Variants in ESCO1 observed in about 807,000 individuals in gnomAD.
ESCO1 encodes N-acetyltransferase ESCO1.
In ESCO1, 33 loss-of-function variants were observed where a neutral mutation model predicts 83.5. That is an observed-to-expected ratio of 0.40 (90% confidence interval 0.30 to 0.53). The LOEUF is 0.53. Among genes scored for constraint, ESCO1 ranks in the 20% least tolerant of loss-of-function variants. ESCO1 has a pLI of 0.63. For synonymous variants in ESCO1, 332 were observed against 324.3 expected (o/e 1.02, Z -0.25); for missense variants, 855 against 968.0 (o/e 0.88, Z 1.55).
chr18:21,590,547 TTCCTATATTCAA>T (rs1042352174), intron 1 of ESCO1, among the ~76,000 whole-genome samples: 1 of 152,176 alleles, frequency 6.6e-6, no homozygotes, highest in African/African-American at 2.4e-5. Flanking sequence ...GAAAAGCAGC[TTCCTATATTCAA>T]TCTCTTCACA....
At chr18:21,590,056 T>G (rs2146231208) in intron 1 of ESCO1, among the ~76,000 whole-genome samples, 1 of 152,086 alleles carries the variant, frequency 6.6e-6, no homozygotes, top group East Asian at 1.9e-4. Flanking sequence ...CTCGATCTCC[T>G]GACCTCGTGA....
At chr18:21,580,909 G>A (rs2847120) in intron 2 of ESCO1, among the ~76,000 whole-genome samples, 73,589 of 152,124 alleles carry the variant, frequency 0.48, 21,219 homozygotes, top group Non-Finnish European at 0.65. Flanking sequence ...AAAATCTCTT[G>A]AACCCAGGAG....
intron 2 of ESCO1, among the ~76,000 whole-genome samples, chr18:21,580,766 G>T (rs1206678415): frequency 6.6e-6 from 1 of 151,766 alleles, no homozygotes; most frequent in Admixed American, 6.6e-5. Context: ...AAGGCAGGCG[G>T]ATCTCCTGAG....
rs2038391703 is a variant in ESCO1 at position 21,574,482 on chromosome 18, C to T, written c.362G>A (p.Arg121Lys). 1.2e-6 allele frequency: 2 copies of T among 1,614,134 alleles called. No homozygotes were observed. The highest frequency in any genetic ancestry group is 1.7e-5 in the Admixed American group (1 of 60,018). The change falls in exon 4 of 12, where the codon AGA becomes AAA. Residue 121 changes from arginine to lysine, a missense_variant. Coordinates refer to ENST00000269214, the MANE Select transcript of ESCO1 (RefSeq NM_052911.3). ...TGTTAATTGTTGTAGCCTTTGTGAT[C>T]TCCGGTTAAGCTGTTCATTTGCTTT... Reference protein sequence around the residue: ...NPKANEQLNRRSQRLQQLTEV... With the variant: ...NPKANEQLNRKSQRLQQLTEV...
Position 21,575,085 on chromosome 18 carries a change from G to T in ESCO1, c.-242C>A. On this transcript the variant is annotated 5_prime_UTR_variant, in exon 4 of 12. Transcript: ENST00000269214. ...AGACACTTGCTTTACTTTGGACAAG[G>T]TAATAAAAATTTGAGGAAAATTTTG... The T allele has an allele frequency of 2.7e-6, 1 of 374,320 alleles. No homozygotes were observed. Among genetic ancestry groups the T allele is most frequent in the Non-Finnish European group, 4.7e-6 (1 of 212,012 alleles). 23.2% of individuals were successfully genotyped at this position (374,320 alleles called of 1,614,324 possible).
intron 11 of ESCO1, 118 bp downstream of exon 11, chr18:21,532,354 AT>A (rs2037778148): frequency 8.8e-7 from 1 of 1,140,374 alleles, no homozygotes; most frequent in East Asian, 2.5e-5. Flanking sequence ...CTCATGCAAA[AT>A]TTGTAATTAA....
rs539330824 is a variant in ESCO1, at chr18:21,580,054, C to G, written c.-694+4256G>C. Among the ~76,000 whole-genome samples the G allele has an allele frequency of 1.5e-4, 23 of 151,742 alleles. No individual in the cohort carries two copies. In the South Asian group the frequency reaches 4.8e-3, roughly 32 times the overall value. ...GGGATTACAGGCACGCACCACCACA[C>G]CCAGCCAATGTTTTTTGTATTTTTA... On this transcript the variant is annotated intron_variant, in intron 2 of 11. Coordinates refer to ENST00000269214, the MANE Select transcript of ESCO1 (RefSeq NM_052911.3).
chr18:21,530,454 T>C lies in ESCO1; in HGVS notation c.2412A>G (p.Glu804=). ...GAGTGGGATCTGAGAAAGCAATTTCTTCTTTGCTCAAATATGAGCCATATA... is the reference window on the plus strand; with the variant it reads ...GAGTGGGATCTGAGAAAGCAATTTCCTCTTTGCTCAAATATGAGCCATATA... ...NFIYGSYLSK[E]EIAFSDPTPD... is the part of the protein sequence containing the mutation. Residue 804 remains glutamate (E), a synonymous_variant, in exon 12 of 12, where the codon GAA becomes GAG. Transcript: ENST00000269214. 1.3e-6 allele frequency: 2 copies of C among 1,539,796 alleles called. No homozygotes were observed. Among genetic ancestry groups the C allele is most frequent in the Non-Finnish European group, 1.8e-6 (2 of 1,137,092 alleles).
rs751712974 is a variant in ESCO1, at chr18:21,566,205, A to G, written c.1647T>C (p.Gly549=). 6.2e-7 allele frequency: 1 copy of G among 1,612,276 alleles called. No homozygotes were observed. Among genetic ancestry groups the G allele is most frequent in the African/African-American group, 1.3e-5 (1 of 74,830 alleles). Residue 549 remains glycine (G), a splice_region_variant and synonymous_variant, in exon 6 of 12, where the codon GGT becomes GGC. Transcript: ENST00000269214. ...GAATACTATGCTGTTGGGGAGCTGAACCTGTAATTTAATCAAGAAGGTGGG... is the reference window on the plus strand; with the variant it reads ...GAATACTATGCTGTTGGGGAGCTGAGCCTGTAATTTAATCAAGAAGGTGGG... ...KIDTGENKFP[G]SAPQQHSILS...
intron 1 of ESCO1, among the ~76,000 whole-genome samples, chr18:21,590,218 C>A (rs944101683): frequency 2.0e-5 from 3 of 150,810 alleles, no homozygotes; most frequent in Non-Finnish European, 4.4e-5. Flanking sequence ...CCCACATGAA[C>A]CCTTTTTCTT....
chr18:21,560,945 C>A lies in ESCO1; in HGVS notation c.1867G>T (p.Gly623Ter). Residue 623 changes from glycine to a stop codon, truncating the protein, a stop_gained, in exon 8 of 12, where the codon GGA becomes TGA. Transcript: ENST00000269214. LOFTEE classifies it high-confidence loss of function. ...GGATTTGAAGCTGTATACAGCATTC[C>A]ACAAACATTACAAGAAACTGCTCCA... ...RFGAVSCNVC[G>*]MLYTASNPED... The A allele has an allele frequency of 6.2e-7, 1 of 1,603,546 alleles. No individual in the cohort carries two copies. The highest frequency in any genetic ancestry group is 8.5e-7 in the Non-Finnish European group (1 of 1,176,278).
chr18:21,573,466 A>G lies in ESCO1; in HGVS notation c.1378T>C (p.Ser460Pro), dbSNP rs775509464. Residue 460 changes from serine (S) to proline (P), a missense_variant, in exon 4 of 12, where the codon TCT becomes CCT. By Grantham distance (74) the Ser-to-Pro change is moderately conservative. This residue lies in a region of ESCO1 where 726 missense variants were observed against 699.5 expected (regional missense o/e 1.04). Transcript: ENST00000269214. ...ATATCATTAATTTTCACTTCTTCAG[A>G]ATTAATTTCTTTCATTTTTTCCTGC... ...CQQEKMKEIN[S>P]EEVKINDITV... The G allele has an allele frequency of 6.2e-7, 1 of 1,612,022 alleles. No homozygotes were observed. The highest frequency in any genetic ancestry group is 8.5e-7 in the Non-Finnish European group (1 of 1,179,592).
At chr18:21,592,554 G>T (rs1345020770) in intron 1 of ESCO1, among the ~76,000 whole-genome samples, 35 of 148,432 alleles carry the variant, frequency 2.4e-4, no homozygotes, top group African/African-American at 8.2e-4. Flanking sequence ...CGGGCGGGGG[G>T]CTGACCCCCC....
chr18:21,555,397 C>T (rs978052121), intron 8 of ESCO1, among the ~76,000 whole-genome samples: 1 of 152,110 alleles, frequency 6.6e-6, no homozygotes, highest in Non-Finnish European at 1.5e-5. Context: ...TAATATGAAA[C>T]ATGGATTCTG....
Position 21,557,984 on chromosome 18 carries a change from T to G in ESCO1, c.1953+2875A>C, listed in dbSNP as rs527468167. On this transcript the variant is annotated intron_variant, in intron 8 of 11. Transcript: ENST00000269214. Reference sequence around the variant, plus strand: ...TTTTTGGCTTTTTTGTTTTTTGGGGTTTTTTTTTTTTTTGAAACAGGGTCC... The same window carrying G: ...TTTTTGGCTTTTTTGTTTTTTGGGGGTTTTTTTTTTTTTGAAACAGGGTCC... Among the ~76,000 whole-genome samples the G allele has an allele frequency of 1.1e-4, 16 of 139,352 alleles. 1 individual carries two copies. Among genetic ancestry groups the G allele is most frequent in the Middle Eastern group, 3.8e-3 (1 of 266 alleles). 91.4% of individuals were successfully genotyped at this position (139,352 alleles called of 152,430 possible). A position where few individuals can be genotyped will look rare whatever the true frequency, so the allele number is the denominator to read the frequency against.
chr18:21,598,363 T>C (rs1469527748), intron 1 of ESCO1, among the ~76,000 whole-genome samples: 2 of 152,162 alleles, frequency 1.3e-5, no homozygotes, highest in African/African-American at 2.4e-5. Flanking sequence ...TGAAGCATAA[T>C]TTATCAATTT....
chr18:21,563,942 G>T (rs1201228177), intron 7 of ESCO1, among the ~76,000 whole-genome samples: 1 of 151,124 alleles, frequency 6.6e-6, no homozygotes, highest in Non-Finnish European at 1.5e-5. Flanking sequence ...AAAGAGTCTG[G>T]CTTCCTTGGT....
chr18:21,549,385 G>T (rs1416600717), intron 8 of ESCO1, among the ~76,000 whole-genome samples: 1 of 151,992 alleles, frequency 6.6e-6, no homozygotes, highest in East Asian at 1.9e-4. Context: ...CTGCTAGATG[G>T]AACCACCCTG....
chr18:21,564,171 A>T (rs1392629209), intron 7 of ESCO1, 32 bp downstream of exon 7: 1 of 1,359,710 alleles, frequency 7.4e-7, no homozygotes, highest in Non-Finnish European at 1.0e-6. Flanking sequence ...TTCTAACAAC[A>T]ATTCACCAAA....
Sources: gnomAD v4.1 joint callset for allele counts (sites outside exome capture counted in the v4.1 genomes callset) on GRCh38, gnomAD v4.1.1 for gene constraint, gnomAD v4.1.1 regional missense constraint, MANE v1.5 for transcripts, NCBI Gene and HGNC (gene_info 2026-07-23, HGNC 2026-07-21) for gene names.